INPP4B: variants seen among roughly 807,000 people sequenced by gnomAD.
The protein encoded by INPP4B is inositol polyphosphate-4-phosphatase type II B.
In INPP4B, 55 loss-of-function variants were observed where a neutral mutation model predicts 122.5. The ratio of observed to expected loss-of-function variants is 0.45; its 90% CI spans 0.36 to 0.56. The LOEUF is 0.56. Among genes scored for constraint, INPP4B ranks in the 20% least tolerant of loss-of-function variants. The pLI, the probability that INPP4B is intolerant of heterozygous loss-of-function variation, is 0.00. For missense variants in INPP4B, 1,000 were observed against 1,097.7 expected (o/e 0.91, Z 1.26); for synonymous variants, 403 against 388.7 (o/e 1.04, Z -0.43).
chr4:142,503,227 T>G (rs1018308087), intron 2 of INPP4B, among the ~76,000 whole-genome samples: 1 of 152,082 alleles, frequency 6.6e-6, no homozygotes, highest in Non-Finnish European at 1.5e-5. Flanking sequence ...GATGAATCAA[T>G]CAAATACTTG....
intron 23 of INPP4B, among the ~76,000 whole-genome samples, chr4:142,106,032 T>C (rs1320632835): frequency 6.6e-6 from 1 of 151,980 alleles, no homozygotes; most frequent in African/African-American, 2.4e-5. Context: ...TAGATTGGAG[T>C]TGTACTTTTG....
intron 25 of INPP4B, among the ~76,000 whole-genome samples, chr4:142,037,520 G>A (rs1419705012): frequency 6.6e-6 from 1 of 152,080 alleles, no homozygotes; most frequent in Non-Finnish European, 1.5e-5. Context: ...CTTCCCAAAG[G>A]AAAATTACCA....
At chr4:142,139,098 C>T (rs1806316901) in intron 18 of INPP4B, among the ~76,000 whole-genome samples, 1 of 152,096 alleles carries the variant, frequency 6.6e-6, no homozygotes. Context: ...TACTCATGTA[C>T]TAGACTGTAA....
chr4:142,270,843 ATT>A, intron 9 of INPP4B, 69 bp from the exon 10 acceptor site: 1 of 1,030,124 alleles, frequency 9.7e-7, no homozygotes, highest in Non-Finnish European at 1.5e-6. Flanking sequence ...TCCAAAACAC[ATT>A]TGTTTCTGAA....
At chr4:142,054,251 C>T (rs1756293858) in intron 25 of INPP4B, among the ~76,000 whole-genome samples, 2 of 151,564 alleles carry the variant, frequency 1.3e-5, no homozygotes, top group Admixed American at 6.6e-5. Context: ...AACCACAACA[C>T]CCTATTTTTT....
rs184771375 is a variant in INPP4B at position 142,108,195 on chromosome 4, A to G, written c.2277-5T>C. 258 of 1,543,052 alleles carry G rather than the reference A, an allele frequency of 1.7e-4. No homozygotes were observed. Among genetic ancestry groups the G allele is most frequent in the Non-Finnish European group, 2.2e-4 (247 of 1,118,532 alleles). On this transcript the variant is annotated splice_polypyrimidine_tract_variant and splice_region_variant and intron_variant, in intron 22 of 25. Transcript: ENST00000262992. ...TGCAAAGAGACATCTCCAAACCTACAAACAGAAAAAAGAAAACAGCTGTGG... is the reference window on the plus strand; with the variant it reads ...TGCAAAGAGACATCTCCAAACCTACGAACAGAAAAAAGAAAACAGCTGTGG...
intron 2 of INPP4B, among the ~76,000 whole-genome samples, chr4:142,606,522 CAT>C (rs1191086601): frequency 2.6e-5 from 4 of 151,884 alleles, no homozygotes; most frequent in African/African-American, 4.8e-5. Context: ...GTACCCTATA[CAT>C]GTGTAAATTT....
chr4:142,246,023 TGTACACAC>T (rs1728352031), intron 11 of INPP4B, among the ~76,000 whole-genome samples: 5 of 140,426 alleles, frequency 3.6e-5, no homozygotes, highest in African/African-American at 1.1e-4. Flanking sequence ...CATGTGTGTA[TGTACACAC>T]ACGTGTGTGT....
intron 2 of INPP4B, among the ~76,000 whole-genome samples, chr4:142,609,529 C>T (rs116186549): frequency 0.012 from 1,753 of 152,196 alleles, 30 homozygotes; most frequent in African/African-American, 0.032. Context: ...GATATCATAT[C>T]AATTCAAAGT....
chr4:142,732,175 G>A (rs1766196827), intron 1 of INPP4B, among the ~76,000 whole-genome samples: 1 of 152,102 alleles, frequency 6.6e-6, no homozygotes, highest in Non-Finnish European at 1.5e-5. Flanking sequence ...CTAAAGACCA[G>A]AATGGCAGAC....
chr4:142,406,456 A>G (rs975281807), intron 5 of INPP4B, among the ~76,000 whole-genome samples: 1 of 152,236 alleles, frequency 6.6e-6, no homozygotes, highest in Non-Finnish European at 1.5e-5. Context: ...TTGAAAGCAA[A>G]GGAAAGTATA....
At chr4:142,231,649 G>GAA (rs926867739) in intron 12 of INPP4B, among the ~76,000 whole-genome samples, 1 of 152,072 alleles carries the variant, frequency 6.6e-6, no homozygotes, top group Non-Finnish European at 1.5e-5. Flanking sequence ...TCTGTGAGGT[G>GAA]AAAAAATTGA....
rs957990265 is a variant in INPP4B, at chr4:142,025,662, T to C, written c.*3120A>G. 3 of 152,168 alleles carry C rather than the reference T, an allele frequency of 2.0e-5. No homozygotes were observed. The highest frequency in any genetic ancestry group is 7.2e-5 in the African/African-American group (3 of 41,452). The allele number at this position is 152,168 out of a possible 1,614,324, so 9.4% of individuals were successfully genotyped here. A position where few individuals can be genotyped will look rare whatever the true frequency, so the allele number is the denominator to read the frequency against. On this transcript the variant is annotated 3_prime_UTR_variant, in exon 26 of 26. Coordinates refer to ENST00000262992, the MANE Select transcript of INPP4B (RefSeq NM_001101669.3). The stretch of plus-strand genomic sequence containing the variant: ...CTTATTTTATGTAAAGTGCCATACA[T>C]AGCTGAAGGATAAAAAGGAAGTATC...
rs141094006 is a variant in INPP4B at position 142,819,930 on chromosome 4, C to T, written c.-254+26279G>A. Among the ~76,000 whole-genome samples the T allele has an allele frequency of 5.5e-3, 841 of 152,086 alleles. 10 individuals carry two copies. Among genetic ancestry groups the T allele is most frequent in the African/African-American group, 0.019 (777 of 41,504 alleles). On this transcript the variant is annotated intron_variant, in intron 1 of 25. Coordinates refer to ENST00000262992, the MANE Select transcript of INPP4B (RefSeq NM_001101669.3). Reference sequence around the variant, plus strand: ...GTCCTACAGTGAATCTGCCTCGAGCCGAGGCTAAAATTTACTTGAAATCAC... The same window carrying T: ...GTCCTACAGTGAATCTGCCTCGAGCTGAGGCTAAAATTTACTTGAAATCAC...
At chr4:142,755,605 C>A (rs1449944397) in intron 1 of INPP4B, among the ~76,000 whole-genome samples, 1 of 151,982 alleles carries the variant, frequency 6.6e-6, no homozygotes, top group Non-Finnish European at 1.5e-5. Context: ...TACATAAAGC[C>A]AACAATCACA....
intron 15 of INPP4B, among the ~76,000 whole-genome samples, chr4:142,190,159 A>T (rs1030701615): frequency 6.6e-6 from 1 of 152,054 alleles, no homozygotes; most frequent in African/African-American, 2.4e-5. Context: ...AACCTGGTCT[A>T]AAAGACTTGG....
intron 7 of INPP4B, among the ~76,000 whole-genome samples, chr4:142,391,584 A>G (rs1797694726): frequency 6.6e-6 from 1 of 152,076 alleles, no homozygotes. Context: ...AAACAAAACA[A>G]ACAAAACAAA....
In INPP4B at chr4:142,124,077, G is replaced by T. The variant is rs559515205; in HGVS notation, c.1893+511C>A. 6.6e-5 allele frequency among the ~76,000 whole-genome samples: 10 copies of T among 152,070 alleles called. No individual in the cohort carries two copies. The South Asian group carries it at 2.1e-3, about 32-fold the overall frequency. The stretch of plus-strand genomic sequence containing the variant: ...GCATTATGAATCATGTTGGGTGTAG[G>T]CAAGGAAGGTGGCCCTGTCAAACCT... On this transcript the variant is annotated intron_variant, in intron 19 of 25. Transcript: ENST00000262992.
At chr4:142,630,774 G>A (rs1474030294) in intron 2 of INPP4B, among the ~76,000 whole-genome samples, 1 of 152,130 alleles carries the variant, frequency 6.6e-6, no homozygotes, top group African/African-American at 2.4e-5. Flanking sequence ...ATGGAATTGA[G>A]GTACAGTACA....
Sources: allele counts gnomAD v4.1 joint callset (sites outside exome capture counted in the v4.1 genomes callset), GRCh38; gene constraint gnomAD v4.1.1; transcripts MANE v1.5; gene names NCBI Gene and HGNC (gene_info 2026-07-23, HGNC 2026-07-21).